KCNN2: variants seen among roughly 807,000 people sequenced by gnomAD.
The protein encoded by KCNN2 is small conductance calcium-activated potassium channel protein 2.
Under a neutral mutation model 55.5 loss-of-function variants are expected in KCNN2, and 24 were observed. That is an observed-to-expected ratio of 0.43 (90% CI 0.31 to 0.61). The LOEUF is 0.61. Among genes scored for constraint, KCNN2 ranks in the 20% least tolerant of loss-of-function variants. The probability of loss-of-function intolerance (pLI) is 0.08; values close to 1 mark genes in which losing one functional copy is unlikely to be tolerated. For missense variants in KCNN2, 754 were observed against 853.6 expected (o/e 0.88, Z 1.45); for synonymous variants, 431 against 336.1 (o/e 1.28, Z -3.09).
At chr5:114,311,767 G>A (rs1435264993) in intron 2 of KCNN2, among the ~76,000 whole-genome samples, 1 of 152,100 alleles carries the variant, frequency 6.6e-6, no homozygotes, top group Non-Finnish European at 1.5e-5. Flanking sequence ...TTCAATTTCA[G>A]TACATTCAAT....
chr5:114,281,433 G>A (rs1403817639), intron 2 of KCNN2, among the ~76,000 whole-genome samples: 1 of 152,048 alleles, frequency 6.6e-6, no homozygotes, highest in Non-Finnish European at 1.5e-5. Flanking sequence ...TTTTGTTGAA[G>A]GCCTTTGTGT....
At chr5:114,236,609 A>G (rs1754498053) in intron 2 of KCNN2, among the ~76,000 whole-genome samples, 2 of 152,166 alleles carry the variant, frequency 1.3e-5, no homozygotes, top group Non-Finnish European at 1.5e-5. Flanking sequence ...ACATTAGGCC[A>G]TATGTATGCC....
chr5:114,181,643 T>C lies in KCNN2; in HGVS notation c.-270-39837T>C, dbSNP rs75288304. On this transcript the variant is annotated intron_variant, in intron 1 of 10. Coordinates refer to the KCNN2 transcript ENST00000512097. ...GATTGTTGTTTTCTGTTTCCTGTGT[T>C]GCAAAGGTACTCTTTTATGTTTGCT... Among the ~76,000 whole-genome samples the C allele has an allele frequency of 1.4e-3, 208 of 152,352 alleles. 6 individuals carry two copies. In the East Asian group the frequency reaches 0.037, roughly 27 times the overall value.
chr5:114,442,989 G>A (rs1760273191), intron 3 of KCNN2, among the ~76,000 whole-genome samples: 1 of 151,952 alleles, frequency 6.6e-6, no homozygotes, highest in South Asian at 2.1e-4. Context: ...TTTCACAAAG[G>A]AGTGACTATT....
intron 1 of KCNN2, among the ~76,000 whole-genome samples, chr5:114,065,674 G>A (rs1204583063): frequency 1.3e-5 from 2 of 152,010 alleles, no homozygotes; most frequent in Non-Finnish European, 2.9e-5. Context: ...ATAAGTAGTA[G>A]ATGAAAGCTC....
chr5:114,157,346 T>A (rs1752657866), intron 1 of KCNN2, among the ~76,000 whole-genome samples: 2 of 152,164 alleles, frequency 1.3e-5, no homozygotes. Context: ...CATCATTTTT[T>A]ATGGCTGCCT....
At chr5:114,250,318 T>A (rs1754833653) in intron 2 of KCNN2, among the ~76,000 whole-genome samples, 1 of 152,172 alleles carries the variant, frequency 6.6e-6, no homozygotes, top group African/African-American at 2.4e-5. Context: ...ACTGGGGAAC[T>A]TGACAGAGCT....
At chr5:114,452,770 GCTA>G (rs1760750421) in intron 3 of KCNN2, among the ~76,000 whole-genome samples, 1 of 152,174 alleles carries the variant, frequency 6.6e-6, no homozygotes, top group Non-Finnish European at 1.5e-5. Flanking sequence ...ACAGTGAATA[GCTA>G]CGTGTGAATA....
intron 1 of KCNN2, among the ~76,000 whole-genome samples, chr5:114,183,677 G>A (rs1246236624): frequency 6.6e-6 from 1 of 150,406 alleles, no homozygotes; most frequent in Admixed American, 6.6e-5. Flanking sequence ...TGTAGGATCT[G>A]TATTTATATA....
At chr5:114,328,143 G>A (rs774866088) in intron 2 of KCNN2, among the ~76,000 whole-genome samples, 5 of 152,140 alleles carry the variant, frequency 3.3e-5, no homozygotes, top group East Asian at 1.9e-4. Context: ...TTATGCGTGG[G>A]TGGCTTTTGT....
Position 114,096,994 on chromosome 5 carries a change from C to T in KCNN2, c.-271+40494C>T, listed in dbSNP as rs542728716. Among the ~76,000 whole-genome samples the T allele has an allele frequency of 1.3e-4, 16 of 125,190 alleles. No homozygotes were observed. The South Asian group carries it at 3.7e-3, about 29-fold the overall frequency. The allele number at this position is 125,190 out of a possible 152,430, so 82.1% of individuals were successfully genotyped here. ...ACTCAGAGACACCAGGTAACTGGCC[C>T]AGGGTTACCTAGCTAGTAAGTAAAG... On this transcript the variant is annotated intron_variant, in intron 1 of 10. Coordinates refer to the KCNN2 transcript ENST00000512097.
At chr5:114,198,325 CAT>C (rs55707223) in intron 1 of KCNN2, among the ~76,000 whole-genome samples, 129,092 of 146,676 alleles carry the variant, frequency 0.88, 56,824 homozygotes, top group East Asian at 0.99. Flanking sequence ...GCACCAACCT[CAT>C]ATATATATAT....
chr5:114,292,508 G>A (rs1755916082), intron 2 of KCNN2, among the ~76,000 whole-genome samples: 1 of 152,158 alleles, frequency 6.6e-6, no homozygotes, highest in African/African-American at 2.4e-5. Flanking sequence ...TTGTAGATAT[G>A]TGGCATTATT....
intron 2 of KCNN2, among the ~76,000 whole-genome samples, chr5:114,247,451 G>A (rs1754770072): frequency 6.6e-6 from 1 of 151,988 alleles, no homozygotes. Flanking sequence ...TTCATTACTG[G>A]CAAGTCCCCA....
chr5:114,245,179 C>T (rs1436911057), intron 2 of KCNN2, among the ~76,000 whole-genome samples: 1 of 152,002 alleles, frequency 6.6e-6, no homozygotes, highest in Non-Finnish European at 1.5e-5. Context: ...AACAAATATC[C>T]CATAGTAAAA....
At chr5:114,221,044 C>T (rs1754127449) in intron 1 of KCNN2, among the ~76,000 whole-genome samples, 1 of 152,196 alleles carries the variant, frequency 6.6e-6, no homozygotes, top group South Asian at 2.1e-4. Context: ...ATAAATTCAA[C>T]TCTGTATGCA....
intron 3 of KCNN2, among the ~76,000 whole-genome samples, chr5:114,458,514 A>G (rs1198910458): frequency 6.6e-6 from 1 of 152,210 alleles, no homozygotes; most frequent in Admixed American, 6.5e-5. Context: ...ACTTGAGGAC[A>G]TGTTTCCCTT....
At chr5:114,300,749 G>A (rs1756137338) in intron 2 of KCNN2, among the ~76,000 whole-genome samples, 1 of 152,176 alleles carries the variant, frequency 6.6e-6, no homozygotes, top group Non-Finnish European at 1.5e-5. Flanking sequence ...AAGAATAAAT[G>A]TTGATTACAA....
chr5:114,307,389 A>C (rs1436125373), intron 2 of KCNN2, among the ~76,000 whole-genome samples: 1 of 152,140 alleles, frequency 6.6e-6, no homozygotes, highest in African/African-American at 2.4e-5. Context: ...GCTCCTAGTA[A>C]TGCTAGGTCC....
Sources: gnomAD v4.1 joint callset for allele counts (sites outside exome capture counted in the v4.1 genomes callset) on GRCh38, gnomAD v4.1.1 for gene constraint, MANE v1.5 for transcripts, NCBI Gene and HGNC (gene_info 2026-07-23, HGNC 2026-07-21) for gene names.